FUT8: variants seen among roughly 807,000 people sequenced by gnomAD.
FUT8 encodes the protein fucosyltransferase 8, also known as alpha-(1,6)-fucosyltransferase.
FUT8 carries 29 observed loss-of-function variants against 71.3 expected under a neutral mutation model. The observed-to-expected ratio is 0.41, with a 90% CI of 0.30 to 0.55. FUT8 has a LOEUF of 0.55. Among genes scored for constraint, FUT8 ranks in the 20% least tolerant of loss-of-function variants. The probability of loss-of-function intolerance (pLI) is 0.34; values close to 1 mark genes in which losing one functional copy is unlikely to be tolerated. For missense variants in FUT8, 544 were observed against 702.1 expected, an observed-to-expected ratio of 0.77 and a Z score of 2.55; for synonymous variants, 254 against 239.3, an observed-to-expected ratio of 1.06 and a Z score of -0.57.
chr14:65,633,867 C>A (rs549783577), intron 6 of FUT8, among the ~76,000 whole-genome samples: 2 of 151,672 alleles, frequency 1.3e-5, no homozygotes, highest in Non-Finnish European at 2.9e-5. Context: ...AGCCCCCACT[C>A]GGCCAGCTGC....
At chr14:65,443,289 G>C (rs1279743127) in intron 1 of FUT8, among the ~76,000 whole-genome samples, 1 of 151,902 alleles carries the variant, frequency 6.6e-6, no homozygotes, top group Admixed American at 6.6e-5. Flanking sequence ...GCTCACCTGT[G>C]GTCCCAGCTA....
At chr14:65,625,691 C>T (rs538708520) in intron 5 of FUT8, among the ~76,000 whole-genome samples, 3 of 152,316 alleles carry the variant, frequency 2.0e-5, no homozygotes, top group Non-Finnish European at 4.4e-5. Flanking sequence ...AAGTGCTTCA[C>T]AAATGGAACT....
chr14:65,669,192 G>T lies in FUT8; in HGVS notation c.598-51G>T. 1.5e-6 allele frequency: 2 copies of T among 1,338,112 alleles called. No individual in the cohort carries two copies. Among genetic ancestry groups the T allele is most frequent in the South Asian group, 1.3e-5 (1 of 77,020 alleles). 82.9% of individuals were successfully genotyped at this position (1,338,112 alleles called of 1,614,324 possible). A position where few individuals can be genotyped will look rare whatever the true frequency, so the allele number is the denominator to read the frequency against. Reference sequence around the variant, plus strand: ...AGATTAAAAAAAAAAAAGAGCAGTTGACCTCTCTGTACAACTTATCTTTAT... The same window carrying T: ...AGATTAAAAAAAAAAAAGAGCAGTTTACCTCTCTGTACAACTTATCTTTAT... On this transcript the variant is annotated intron_variant, in intron 6 of 10. Transcript: ENST00000673929. The surrounding 1 kb of genome is among the most constrained non-coding windows in gnomAD (Gnocchi z 4.5).
upstream of FUT8, among the ~76,000 whole-genome samples, chr14:65,407,809 A>G (rs2065093445): frequency 6.6e-6 from 1 of 152,224 alleles, no homozygotes; most frequent in African/African-American, 2.4e-5. Context: ...AGGGTTTTCT[A>G]TCTGTCTGCC....
chr14:65,715,540 C>A (rs573536489), intron 7 of FUT8, among the ~76,000 whole-genome samples: 6 of 152,276 alleles, frequency 3.9e-5, no homozygotes, highest in African/African-American at 1.4e-4. Flanking sequence ...CTTTAAGATG[C>A]ATCATTAGGT....
In FUT8 at chr14:65,627,403, T is replaced by C. The variant is rs1889953724; in HGVS notation, c.483-2089T>C. Among the ~76,000 whole-genome samples, 1 of 152,174 alleles carries C rather than the reference T, an allele frequency of 6.6e-6. No homozygotes were observed. Among genetic ancestry groups the C allele is most frequent in the Non-Finnish European group, 1.5e-5 (1 of 68,022 alleles). ...GAACAGGCATGAGAGTTTATTAAAATGTTTTAGAGCAGGAATGAAAGGAAG... is the reference window on the plus strand; with the variant it reads ...GAACAGGCATGAGAGTTTATTAAAACGTTTTAGAGCAGGAATGAAAGGAAG... On this transcript the variant is annotated intron_variant, in intron 5 of 10. Coordinates refer to ENST00000673929, the MANE Select transcript of FUT8 (RefSeq NM_001371533.1). This position sits in a 1 kb window ranked among gnomAD's most constrained non-coding sequence, Gnocchi z 4.0.
the FUT8 span, among the ~76,000 whole-genome samples, chr14:65,385,538 G>A: frequency 3.5e-4 from 53 of 151,732 alleles, no homozygotes; most frequent in Non-Finnish European, 7.4e-5. Context: ...GTACATTAAT[G>A]GTTTTGACTC....
intron 7 of FUT8, among the ~76,000 whole-genome samples, chr14:65,690,477 T>C (rs1330400859): frequency 6.6e-6 from 1 of 152,148 alleles, no homozygotes; most frequent in Non-Finnish European, 1.5e-5. Flanking sequence ...TTGAGAAAAA[T>C]TGACATTGAC....
At chr14:65,474,244 T>C (rs2066194814) in intron 2 of FUT8, among the ~76,000 whole-genome samples, 1 of 151,550 alleles carries the variant, frequency 6.6e-6, no homozygotes, top group Admixed American at 6.6e-5. Context: ...TTCACCACTA[T>C]ACATTTCATC....
chr14:65,434,343 C>T (rs2065522576), intron 1 of FUT8, among the ~76,000 whole-genome samples: 1 of 152,202 alleles, frequency 6.6e-6, no homozygotes, highest in Admixed American at 6.5e-5. Flanking sequence ...GGCAAGGATG[C>T]ATGGCCTCAG....
chr14:65,497,859 G>A (rs905060289), intron 2 of FUT8, among the ~76,000 whole-genome samples: 9 of 151,940 alleles, frequency 5.9e-5, no homozygotes, highest in Admixed American at 2.0e-4. Context: ...TATAGTCTCC[G>A]AATAGGGTGG....
upstream of FUT8, among the ~76,000 whole-genome samples, chr14:65,405,739 T>C (rs2065086999): frequency 6.6e-6 from 1 of 152,254 alleles, no homozygotes; most frequent in Non-Finnish European, 1.5e-5. Flanking sequence ...AGGATACTTC[T>C]GTCTTCTCTG....
At chr14:65,475,727 T>C (rs970583282) in intron 2 of FUT8, among the ~76,000 whole-genome samples, 8 of 151,892 alleles carry the variant, frequency 5.3e-5, no homozygotes, top group African/African-American at 1.9e-4. Context: ...GAGCTCAGGC[T>C]CTATATGGTA....
chr14:65,427,331 A>G (rs1319550674), intron 1 of FUT8, among the ~76,000 whole-genome samples: 1 of 152,112 alleles, frequency 6.6e-6, no homozygotes, highest in South Asian at 2.1e-4. Flanking sequence ...GGTGGAGCAT[A>G]TGGTAGTTCT....
chr14:65,564,386 T>G (rs532740615), intron 3 of FUT8, among the ~76,000 whole-genome samples: 6 of 152,154 alleles, frequency 3.9e-5, no homozygotes, highest in African/African-American at 1.4e-4. Flanking sequence ...TGAAAAGCCA[T>G]TAACAAATCT....
At chr14:65,533,642 G>C (rs2139923970) in intron 2 of FUT8, among the ~76,000 whole-genome samples, 1 of 151,172 alleles carries the variant, frequency 6.6e-6, no homozygotes, top group East Asian at 1.9e-4. Flanking sequence ...TTTTTCTCTT[G>C]CCTGATTGCT....
chr14:65,690,191 T>A (rs1346297535), intron 7 of FUT8, among the ~76,000 whole-genome samples: 16 of 152,344 alleles, frequency 1.1e-4, no homozygotes, highest in Non-Finnish European at 7.3e-5. Context: ...CAGTTGACCA[T>A]CTCTATGTGG....
chr14:65,397,912 G>A, the FUT8 span, among the ~76,000 whole-genome samples: 1 of 152,160 alleles, frequency 6.6e-6, no homozygotes, highest in South Asian at 2.1e-4. This position sits in a 1 kb window ranked among gnomAD's most constrained non-coding sequence, Gnocchi z 4.2. Context: ...ATTAGCCTGT[G>A]GTACAATTGG....
At chr14:65,580,074 A>ATATATG (rs1486415080) in intron 3 of FUT8, among the ~76,000 whole-genome samples, 2 of 148,276 alleles carry the variant, frequency 1.3e-5, no homozygotes, top group Non-Finnish European at 3.0e-5. Context: ...TATATTTTAT[A>ATATATG]TATATATATA....
Sources: gnomAD v4.1 joint callset for allele counts (sites outside exome capture counted in the v4.1 genomes callset) on GRCh38, gnomAD v4.1.1 for gene constraint, Gnocchi (gnomAD v3.1) non-coding constraint, MANE v1.5 for transcripts, NCBI Gene and HGNC (gene_info 2026-07-23, HGNC 2026-07-21) for gene names.